Variants in CCDC6 observed in about 807,000 individuals in gnomAD.
The protein encoded by CCDC6 is coiled-coil domain containing 6, also known as coiled-coil domain-containing protein 6.
Under a neutral mutation model 56.6 loss-of-function variants are expected in CCDC6, and 20 were observed. The observed-to-expected ratio is 0.35, with a 90% CI of 0.25 to 0.51. The LOEUF (loss-of-function observed/expected upper bound fraction) is 0.51. Among genes scored for constraint, CCDC6 ranks in the 20% least tolerant of loss-of-function variants. The pLI, the probability that CCDC6 is intolerant of heterozygous loss-of-function variation, is 0.95. For synonymous variants in CCDC6, 241 were observed against 234.4 expected, an observed-to-expected ratio of 1.03 and a Z score of -0.26; for missense variants, 367 against 601.1, an observed-to-expected ratio of 0.61 and a Z score of 4.07.
chr10:59,890,725 ATTTT>A, intron 1 of CCDC6, among the ~76,000 whole-genome samples: 1 of 151,754 alleles, frequency 6.6e-6, no homozygotes, highest in Non-Finnish European at 1.5e-5. Flanking sequence ...TTATTTATTT[ATTTT>A]TATTTTCTTT....
intron 3 of CCDC6, among the ~76,000 whole-genome samples, chr10:59,829,143 T>A (rs1039201868): frequency 6.6e-6 from 1 of 152,192 alleles, no homozygotes; most frequent in African/African-American, 2.4e-5. Flanking sequence ...CCTGCTGACA[T>A]GTGAGTTAAC....
At chr10:59,829,509 G>C (rs1417275597) in intron 3 of CCDC6, among the ~76,000 whole-genome samples, 1 of 152,016 alleles carries the variant, frequency 6.6e-6, no homozygotes, top group Admixed American at 6.6e-5. Flanking sequence ...ACTAAAAGAT[G>C]GAAACAACCT....
At chr10:59,905,376 C>T (rs2071535164) in intron 1 of CCDC6, among the ~76,000 whole-genome samples, 1 of 152,188 alleles carries the variant, frequency 6.6e-6, no homozygotes, top group Non-Finnish European at 1.5e-5. Flanking sequence ...ACGAATGAAG[C>T]AAACACACGT....
At chr10:59,883,503 T>C (rs2071361747) in intron 1 of CCDC6, among the ~76,000 whole-genome samples, 1 of 152,174 alleles carries the variant, frequency 6.6e-6, no homozygotes, top group Non-Finnish European at 1.5e-5. Context: ...TTTAGAAGTC[T>C]AGACTTTTTC....
At chr10:59,864,174 G>T (rs2071158078) in intron 1 of CCDC6, among the ~76,000 whole-genome samples, 1 of 152,102 alleles carries the variant, frequency 6.6e-6, no homozygotes, top group African/African-American at 2.4e-5. Context: ...CAAAGTAGAA[G>T]AAAGTTCCCC....
At chr10:59,839,792 T>C (rs2070919971) in intron 2 of CCDC6, among the ~76,000 whole-genome samples, 1 of 152,196 alleles carries the variant, frequency 6.6e-6, no homozygotes, top group Non-Finnish European at 1.5e-5. Flanking sequence ...CCACAGTCTA[T>C]CCTCTCGACG....
rs148140826 is a variant in CCDC6, at chr10:59,891,254, C to T, written c.303+14868G>A. Among the ~76,000 whole-genome samples, 636 of 152,164 alleles carry T rather than the reference C, an allele frequency of 4.2e-3. 4 individuals are homozygous for T. Among genetic ancestry groups the T allele is most frequent in the Middle Eastern group, 0.027 (8 of 294 alleles). On this transcript the variant is annotated intron_variant, in intron 1 of 8. Coordinates refer to ENST00000263102, the MANE Select transcript of CCDC6 (RefSeq NM_005436.5). ...ATCCTACTTGGTTTCCAAGTGCTTCCGTTATTCCAAGTCAAGCCAAAGCAC... is the reference window on the plus strand; with the variant it reads ...ATCCTACTTGGTTTCCAAGTGCTTCTGTTATTCCAAGTCAAGCCAAAGCAC...
At chr10:59,903,649 C>T (rs1401993032) in intron 1 of CCDC6, among the ~76,000 whole-genome samples, 1 of 152,138 alleles carries the variant, frequency 6.6e-6, no homozygotes, top group East Asian at 1.9e-4. Flanking sequence ...AAGGCAATTA[C>T]CAGAATTATG....
intron 7 of CCDC6, among the ~76,000 whole-genome samples, chr10:59,800,093 C>A (rs192680354): frequency 6.6e-6 from 1 of 152,162 alleles, no homozygotes; most frequent in Non-Finnish European, 1.5e-5. Flanking sequence ...AAATAGTTTA[C>A]AATTCACAAG....
rs1280890206 is a variant in CCDC6 at position 59,791,039 on chromosome 10, C to G, written c.*1878G>C. The stretch of plus-strand genomic sequence containing the variant: ...ATTTGTTTGCCTACTCTCAGAATTC[C>G]TTGGAATGGCAATGTACCAGGAGGG... On this transcript the variant is annotated 3_prime_UTR_variant, in exon 9 of 9. Coordinates refer to ENST00000263102, the MANE Select transcript of CCDC6 (RefSeq NM_005436.5). 1 of 208,948 alleles carries G rather than the reference C, an allele frequency of 4.8e-6. No homozygotes were observed. The highest frequency in any genetic ancestry group is 5.9e-5 in the Admixed American group (1 of 16,922). The allele number at this position is 208,948 out of a possible 1,614,324, so 12.9% of individuals were successfully genotyped here. A position where few individuals can be genotyped will look rare whatever the true frequency, so the allele number is the denominator to read the frequency against.
intron 2 of CCDC6, among the ~76,000 whole-genome samples, chr10:59,840,068 C>T (rs55909789): frequency 0.19 from 28,826 of 152,102 alleles, 3,516 homozygotes; most frequent in Middle Eastern, 0.29. Context: ...TCGTGATCCC[C>T]CCACCTCGGC....
intron 3 of CCDC6, among the ~76,000 whole-genome samples, chr10:59,820,097 G>A (rs1457417328): frequency 9.9e-5 from 15 of 152,084 alleles, no homozygotes; most frequent in African/African-American, 1.4e-4. Context: ...ATTCACAGCC[G>A]GTCCCACTTG....
chr10:59,847,467 T>C (rs970066675), intron 2 of CCDC6, among the ~76,000 whole-genome samples: 1 of 152,094 alleles, frequency 6.6e-6, no homozygotes, highest in Non-Finnish European at 1.5e-5. Flanking sequence ...ATTATACTAG[T>C]TCTTAATGAT....
At chr10:59,793,205 A>G in intron 8 of CCDC6, 94 bp from the exon 9 acceptor site, 1 of 913,666 alleles carries the variant, frequency 1.1e-6, no homozygotes, top group Non-Finnish European at 1.7e-6. Context: ...CTAATCAAAC[A>G]CTAACCAACA....
chr10:59,859,190 ATG>A lies in CCDC6; in HGVS notation c.304-6490_304-6489del, dbSNP rs370903379. On this transcript the variant is annotated intron_variant, in intron 1 of 8. Coordinates refer to ENST00000263102, the MANE Select transcript of CCDC6 (RefSeq NM_005436.5). ...GGAAGGTTTCTGGAAAAAAAAATACATGTGTGTGCGTGTGTGTGTGTGTGTGT... is the reference window on the plus strand; with the variant it reads ...GGAAGGTTTCTGGAAAAAAAAATACATGTGTGCGTGTGTGTGTGTGTGTGT... Among the ~76,000 whole-genome samples the A allele has an allele frequency of 4.9e-4, 41 of 84,026 alleles. 1 individual carries two copies. Among genetic ancestry groups the A allele is most frequent in the Admixed American group, 1.0e-3 (8 of 7,926 alleles). The allele number at this position is 84,026 out of a possible 152,430, so 55.1% of individuals were successfully genotyped here.
At chr10:59,808,351 A>C (rs2070644365) in intron 5 of CCDC6, among the ~76,000 whole-genome samples, 1 of 152,124 alleles carries the variant, frequency 6.6e-6, no homozygotes, top group East Asian at 1.9e-4. Context: ...TCTTCACAGG[A>C]TTCTGTGGCA....
chr10:59,838,266 C>G (rs2070903615), intron 2 of CCDC6, among the ~76,000 whole-genome samples: 1 of 152,060 alleles, frequency 6.6e-6, no homozygotes, highest in South Asian at 2.1e-4. Flanking sequence ...GTGCCATGTG[C>G]TCATGGCCCC....
chr10:59,898,498 C>T (rs2071480365), intron 1 of CCDC6, among the ~76,000 whole-genome samples: 1 of 152,204 alleles, frequency 6.6e-6, no homozygotes. Context: ...GGAACCCCTA[C>T]AGGAGTCGGC....
chr10:59,793,155 G>T, intron 8 of CCDC6, 44 bp from the exon 9 acceptor site: 1 of 1,540,266 alleles, frequency 6.5e-7, no homozygotes, highest in Non-Finnish European at 9.0e-7. Flanking sequence ...GGTACAGGTG[G>T]ATCTCATTCT....
Sources: gnomAD v4.1 joint callset for allele counts (sites outside exome capture counted in the v4.1 genomes callset) on GRCh38, gnomAD v4.1.1 for gene constraint, MANE v1.5 for transcripts, NCBI Gene and HGNC (gene_info 2026-07-23, HGNC 2026-07-21) for gene names.